The following RAB38 variants were observed in gnomAD, a reference collection of about 807,000 sequenced individuals.
RAB38 encodes the protein ras-related protein Rab-38.
RAB38 carries 15 observed loss-of-function variants against 18.4 expected under a neutral mutation model. The observed-to-expected ratio is 0.82, with a 90% CI of 0.55 to 1.26. RAB38 has a LOEUF of 1.26. RAB38 is among the 50% of genes most tolerant of loss of function. RAB38 has a pLI of 0.00. For missense variants in RAB38, 294 were observed against 267.4 expected (o/e 1.10, Z -0.69); for synonymous variants, 101 against 104.4 (o/e 0.97, Z 0.20).
chr11:88,004,584 C>A, the RAB38 span, among the ~76,000 whole-genome samples: 2 of 151,130 alleles, frequency 1.3e-5, no homozygotes, highest in African/African-American at 4.8e-5. Flanking sequence ...CAAGCATTGT[C>A]GGTACTCACT....
At chr11:87,853,329 C>G in the RAB38 span, among the ~76,000 whole-genome samples, 1 of 152,058 alleles carries the variant, frequency 6.6e-6, no homozygotes, top group Non-Finnish European at 1.5e-5. Context: ...GAGGGTGAGG[C>G]CTCCATGTTA....
chr11:87,918,695 G>T, the RAB38 span, among the ~76,000 whole-genome samples: 1 of 151,842 alleles, frequency 6.6e-6, no homozygotes, highest in Admixed American at 6.6e-5. Context: ...TGTCTATTGC[G>T]GTATTTTTCC....
At chr11:88,061,848 T>C in the RAB38 span, 2 of 152,172 alleles carry the variant, frequency 1.3e-5, no homozygotes, top group African/African-American at 4.8e-5. Flanking sequence ...ACTTTGCTGT[T>C]GTCTTCATAT....
At chr11:88,108,730 C>A (rs530080616), downstream of RAB38, among the ~76,000 whole-genome samples, 76 of 152,274 alleles carry the variant, frequency 5.0e-4, no homozygotes, top group South Asian at 2.5e-3. Flanking sequence ...GCAGTTTCTT[C>A]ATAGTGTCGA....
At chr11:88,019,064 T>C in the RAB38 span, among the ~76,000 whole-genome samples, 58 of 152,116 alleles carry the variant, frequency 3.8e-4, 1 homozygote, top group African/African-American at 1.3e-3. Flanking sequence ...TTCTAAAAAA[T>C]GAAGTACTCT....
the RAB38 span, among the ~76,000 whole-genome samples, chr11:87,891,553 G>C: frequency 6.6e-6 from 1 of 151,760 alleles, no homozygotes; most frequent in East Asian, 2.0e-4. Flanking sequence ...CTAAAGAACC[G>C]AGTTTCTGGG....
At chr11:87,874,677 A>C in the RAB38 span, among the ~76,000 whole-genome samples, 1 of 150,322 alleles carries the variant, frequency 6.7e-6, no homozygotes, top group East Asian at 2.0e-4. Flanking sequence ...AATAAAATAA[A>C]ATAAAATAAA....
chr11:88,069,287 C>T, the RAB38 span, among the ~76,000 whole-genome samples: 12 of 152,336 alleles, frequency 7.9e-5, no homozygotes, highest in East Asian at 3.9e-4. Flanking sequence ...CACCTCCCCA[C>T]GGGGGCAGGG....
At chr11:88,164,633 T>A (rs1214950198) in intron 1 of RAB38, among the ~76,000 whole-genome samples, 1 of 148,734 alleles carries the variant, frequency 6.7e-6, no homozygotes, top group Non-Finnish European at 1.5e-5. Flanking sequence ...TTATGCGTTC[T>A]CTTTTTTTTT....
chr11:87,909,552 G>A, the RAB38 span, among the ~76,000 whole-genome samples: 1 of 151,900 alleles, frequency 6.6e-6, no homozygotes, highest in African/African-American at 2.4e-5. Flanking sequence ...CCACAAATGT[G>A]TACATCCATA....
At chr11:88,172,207 G>C (rs1943318224) in intron 1 of RAB38, among the ~76,000 whole-genome samples, 1 of 152,174 alleles carries the variant, frequency 6.6e-6, no homozygotes, top group South Asian at 2.1e-4. Flanking sequence ...GACTCTATCA[G>C]GAGCCTCTGA....
At chr11:88,105,667 C>T in the RAB38 span, among the ~76,000 whole-genome samples, 12 of 152,166 alleles carry the variant, frequency 7.9e-5, no homozygotes, top group East Asian at 1.7e-3. Flanking sequence ...TCCTACAAGC[C>T]CCTTTTCTAA....
At chr11:88,085,183 C>T in the RAB38 span, among the ~76,000 whole-genome samples, 2 of 151,894 alleles carry the variant, frequency 1.3e-5, no homozygotes, top group African/African-American at 4.8e-5. Context: ...GGGAATTAGT[C>T]AGCACTTGGT....
At chr11:88,041,749 A>AG in the RAB38 span, among the ~76,000 whole-genome samples, 2 of 152,162 alleles carry the variant, frequency 1.3e-5, no homozygotes, top group Non-Finnish European at 2.9e-5. Context: ...CACCTAGATA[A>AG]GGGGAAAATA....
At chr11:88,036,344 T>C in the RAB38 span, among the ~76,000 whole-genome samples, 1 of 152,338 alleles carries the variant, frequency 6.6e-6, no homozygotes, top group South Asian at 2.1e-4. Flanking sequence ...AGTATACTTA[T>C]CGCTACCAGA....
At chr11:87,870,827 A>G in the RAB38 span, among the ~76,000 whole-genome samples, 89 of 151,756 alleles carry the variant, frequency 5.9e-4, no homozygotes, top group African/African-American at 2.0e-3. Flanking sequence ...GTGTTTGTGT[A>G]TGGAATAACT....
the RAB38 span, among the ~76,000 whole-genome samples, chr11:87,935,830 A>G: frequency 6.6e-6 from 1 of 152,144 alleles, no homozygotes; most frequent in South Asian, 2.1e-4. Context: ...TGTAAATAGA[A>G]TGAAACATTA....
At chr11:87,812,422 A>T in the RAB38 span, among the ~76,000 whole-genome samples, 80 of 152,224 alleles carry the variant, frequency 5.3e-4, no homozygotes, top group Admixed American at 1.1e-3. Flanking sequence ...GGCTAGGAAA[A>T]AAAGTCAACA....
the RAB38 span, among the ~76,000 whole-genome samples, chr11:87,887,055 G>C: frequency 7.9e-5 from 12 of 152,012 alleles, no homozygotes; most frequent in African/African-American, 2.9e-4. Context: ...CTTCCCATGG[G>C]GGCCTTTGTG....
Sources: gnomAD v4.1 joint callset for allele counts (sites outside exome capture counted in the v4.1 genomes callset) on GRCh38, gnomAD v4.1.1 for gene constraint, MANE v1.5 for transcripts, NCBI Gene and HGNC (gene_info 2026-07-23, HGNC 2026-07-21) for gene names.